The following FIGN variants were observed in gnomAD, a reference collection of about 807,000 sequenced individuals.
FIGN encodes the protein fidgetin, microtubule severing factor, also known as fidgetin.
A neutral mutation model predicts 51.3 loss-of-function variants in FIGN; 11 were observed. The ratio of observed to expected loss-of-function variants is 0.21; its 90% CI spans 0.13 to 0.35. The LOEUF (loss-of-function observed/expected upper bound fraction) is 0.35, where lower values mean the gene tolerates loss of function less well. FIGN is among the 10% of genes least tolerant of loss of function. The probability of loss-of-function intolerance (pLI) is 1.00; values close to 1 mark genes in which losing one functional copy is unlikely to be tolerated. For synonymous variants in FIGN, 407 were observed against 363.2 expected (o/e 1.12, Z -1.37); for missense variants, 857 against 943.6 (o/e 0.91, Z 1.20).
chr2:163,676,058 T>C (rs970780861), intron 2 of FIGN, among the ~76,000 whole-genome samples: 31 of 151,772 alleles, frequency 2.0e-4, no homozygotes, highest in African/African-American at 7.2e-4. Context: ...TTAATTATTT[T>C]AATCCTCAAT....
At chr2:163,684,394 C>T (rs568987522) in intron 2 of FIGN, among the ~76,000 whole-genome samples, 15 of 152,322 alleles carry the variant, frequency 9.8e-5, no homozygotes, top group African/African-American at 3.4e-4. Flanking sequence ...CAAATATTAT[C>T]AAGCTGGATT....
rs185907911 is a variant in FIGN at position 163,720,918 on chromosome 2, A to G, written c.25+13985T>C. 2.2e-3 allele frequency among the ~76,000 whole-genome samples: 333 copies of G among 152,310 alleles called. 3 individuals are homozygous for G. Among genetic ancestry groups the G allele is most frequent in the African/African-American group, 7.4e-3 (309 of 41,582 alleles). ...ATATTTTTCAAGAATTGCTGTGTCT[A>G]GATCTAGCCAAAAATTCTATTACTG... On this transcript the variant is annotated intron_variant, in intron 2 of 2. Coordinates refer to ENST00000333129, the MANE Select transcript of FIGN (RefSeq NM_018086.4).
intron 2 of FIGN, among the ~76,000 whole-genome samples, chr2:163,710,768 G>C (rs911939758): frequency 1.3e-5 from 2 of 152,008 alleles, no homozygotes; most frequent in African/African-American, 4.8e-5. Context: ...CTAGAAACCA[G>C]CATGAGATGA....
At chr2:163,720,922 C>T (rs1356822714) in intron 2 of FIGN, among the ~76,000 whole-genome samples, 1 of 152,054 alleles carries the variant, frequency 6.6e-6, no homozygotes, top group Non-Finnish European at 1.5e-5. Flanking sequence ...GTGTCTAGAT[C>T]TAGCCAAAAA....
chr2:163,724,586 T>C (rs189812248), intron 2 of FIGN, among the ~76,000 whole-genome samples: 1 of 152,222 alleles, frequency 6.6e-6, no homozygotes, highest in African/African-American at 2.4e-5. Context: ...ACTGAGTTGA[T>C]ACAAAATTTA....
intron 2 of FIGN, among the ~76,000 whole-genome samples, chr2:163,639,763 T>C (rs1342823133): frequency 1.3e-5 from 2 of 152,192 alleles, no homozygotes; most frequent in Non-Finnish European, 2.9e-5. Flanking sequence ...TCAAATAATA[T>C]TAATAAAAGT....
intron 2 of FIGN, among the ~76,000 whole-genome samples, chr2:163,686,171 A>G (rs1684145179): frequency 6.6e-6 from 1 of 152,226 alleles, no homozygotes. Flanking sequence ...GAAGTTTAGA[A>G]TAGATTGCTA....
chr2:163,686,758 GTA>G (rs368972073), intron 2 of FIGN, among the ~76,000 whole-genome samples: 26 of 136,592 alleles, frequency 1.9e-4, no homozygotes, highest in South Asian at 4.9e-4. Flanking sequence ...GTATGTATGT[GTA>G]TATATATATA....
At chr2:163,612,434 A>G in intron 2 of FIGN, 1 of 985,252 alleles carries the variant, frequency 1.0e-6, no homozygotes, top group Non-Finnish European at 1.2e-6. Context: ...ACTCTCATCT[A>G]AAGTGGTCCA....
intron 2 of FIGN, among the ~76,000 whole-genome samples, chr2:163,723,314 A>C (rs1174741957): frequency 6.6e-6 from 1 of 152,196 alleles, no homozygotes; most frequent in African/African-American, 2.4e-5. Flanking sequence ...GTCTTATGCT[A>C]TACACACATG....
Position 163,610,746 on chromosome 2 carries a change from C to T in FIGN, c.1086G>A (p.Gly362=). 1.2e-6 allele frequency: 2 copies of T among 1,614,158 alleles called. No homozygotes were observed. The highest frequency in any genetic ancestry group is 1.7e-6 in the Non-Finnish European group (2 of 1,180,024). ...TTTCAGCACTTCTGTCAAAGCCATT[C>T]CCCCGATTTGTGTTTGAAATGCTGT... ...PDNSISNTNR[G]NGFDRSAETS... The change falls in exon 3 of 3, where the codon GGG becomes GGA. Residue 362 remains glycine (G), a synonymous_variant. Transcript: ENST00000333129.
intron 2 of FIGN, among the ~76,000 whole-genome samples, chr2:163,657,163 T>C (rs773471634): frequency 2.6e-5 from 4 of 151,698 alleles, no homozygotes; most frequent in Non-Finnish European, 4.4e-5. Context: ...TCTCATTCCT[T>C]ATGTTAATGA....
intron 2 of FIGN, among the ~76,000 whole-genome samples, chr2:163,649,608 T>C (rs1573925860): frequency 6.6e-6 from 1 of 152,310 alleles, no homozygotes; most frequent in African/African-American, 2.4e-5. Flanking sequence ...AATCCTGTCA[T>C]GGCTGCAGCC....
intron 2 of FIGN, among the ~76,000 whole-genome samples, chr2:163,654,532 TA>T (rs1267773839): frequency 1.3e-5 from 2 of 152,158 alleles, no homozygotes; most frequent in African/African-American, 4.8e-5. Flanking sequence ...CTGGTATTAT[TA>T]ACTGGAGTGT....
At chr2:163,672,018 A>G (rs556031345) in intron 2 of FIGN, among the ~76,000 whole-genome samples, 83 of 152,276 alleles carry the variant, frequency 5.5e-4, no homozygotes, top group African/African-American at 1.9e-3. Context: ...GCCAGTTTCT[A>G]AATTGATGTC....
At chr2:163,642,478 T>C in intron 2 of FIGN, among the ~76,000 whole-genome samples, 1 of 152,334 alleles carries the variant, frequency 6.6e-6, no homozygotes, top group East Asian at 1.9e-4. Flanking sequence ...ATCTAAACAG[T>C]TATGCTAAGA....
At chr2:163,614,541 A>G (rs1254257934) in intron 2 of FIGN, among the ~76,000 whole-genome samples, 1 of 152,084 alleles carries the variant, frequency 6.6e-6, no homozygotes, top group African/African-American at 2.4e-5. Context: ...CAAAATACAG[A>G]GTAGAGAAAA....
At chr2:163,648,420 C>T (rs1007383795) in intron 2 of FIGN, among the ~76,000 whole-genome samples, 1 of 151,976 alleles carries the variant, frequency 6.6e-6, no homozygotes, top group African/African-American at 2.4e-5. Context: ...CAAGTCCTGC[C>T]CTGGGAAATA....
intron 2 of FIGN, among the ~76,000 whole-genome samples, chr2:163,633,680 G>A (rs1354522764): frequency 2.0e-5 from 3 of 152,264 alleles, no homozygotes; most frequent in South Asian, 4.1e-4. Context: ...TTTTAAATGC[G>A]AAATTAAACC....
Sources: allele counts gnomAD v4.1 joint callset (sites outside exome capture counted in the v4.1 genomes callset), GRCh38; gene constraint gnomAD v4.1.1; transcripts MANE v1.5; gene names NCBI Gene and HGNC (gene_info 2026-07-23, HGNC 2026-07-21).